Variants in MYO16 observed in about 807,000 individuals in gnomAD.
The protein encoded by MYO16 is myosin XVI.
MYO16 carries 94 observed loss-of-function variants against 205.3 expected under a neutral mutation model. The observed-to-expected ratio is 0.46, with a 90% confidence interval of 0.39 to 0.54. The LOEUF (loss-of-function observed/expected upper bound fraction) is 0.54, where lower values mean the gene tolerates loss of function less well. Among genes scored for constraint, MYO16 ranks in the 20% least tolerant of loss-of-function variants. The pLI is 0.00. For missense variants in MYO16, 2,315 were observed against 2,387.5 expected (o/e 0.97, Z 0.63); for synonymous variants, 988 against 954.0 (o/e 1.04, Z -0.66).
chr13:108,579,214 G>A, the MYO16 span, among the ~76,000 whole-genome samples: 2 of 152,096 alleles, frequency 1.3e-5, no homozygotes, highest in African/African-American at 4.8e-5. Flanking sequence ...TTACCAATGT[G>A]GAAGTAACTT....
At chr13:108,582,127 T>G in the MYO16 span, among the ~76,000 whole-genome samples, 1 of 152,164 alleles carries the variant, frequency 6.6e-6, no homozygotes, top group Non-Finnish European at 1.5e-5. Context: ...TTGAAAATAT[T>G]TTTATGTAAA....
At chr13:108,750,668 G>A (rs2116244) in intron 4 of MYO16, among the ~76,000 whole-genome samples, 64,612 of 150,816 alleles carry the variant, frequency 0.43, 13,938 homozygotes, top group East Asian at 0.55. Flanking sequence ...TTAGCCAAGC[G>A]TGGTGGCGTG....
chr13:108,828,106 C>T (rs563634984), intron 9 of MYO16, among the ~76,000 whole-genome samples: 9 of 152,152 alleles, frequency 5.9e-5, no homozygotes, highest in Admixed American at 1.3e-4. Context: ...ATTTAACTCT[C>T]AGAACAACAC....
chr13:108,578,203 T>G, the MYO16 span, among the ~76,000 whole-genome samples: 2 of 152,208 alleles, frequency 1.3e-5, no homozygotes, highest in Non-Finnish European at 2.9e-5. Flanking sequence ...CCAGGATTTG[T>G]GCATTTGTCT....
chr13:108,874,619 G>A (rs1257937306), intron 12 of MYO16, among the ~76,000 whole-genome samples: 2 of 151,772 alleles, frequency 1.3e-5, no homozygotes, highest in African/African-American at 4.8e-5. Flanking sequence ...AGGTCATGCA[G>A]CTCCAGAGCG....
chr13:108,843,910 C>G (rs1311612259), intron 9 of MYO16, among the ~76,000 whole-genome samples: 1 of 151,804 alleles, frequency 6.6e-6, no homozygotes, highest in Non-Finnish European at 1.5e-5. Flanking sequence ...AAGTTTTGCC[C>G]ATGATTTTGT....
chr13:108,982,076 C>A (rs1024577016), intron 20 of MYO16, among the ~76,000 whole-genome samples: 2 of 152,118 alleles, frequency 1.3e-5, no homozygotes, highest in Non-Finnish European at 2.9e-5. Context: ...TAGCCAGAAG[C>A]CCCTGGAGGA....
At chr13:108,697,113 G>A (rs1355563204) in intron 2 of MYO16, among the ~76,000 whole-genome samples, 1 of 152,140 alleles carries the variant, frequency 6.6e-6, no homozygotes, top group Non-Finnish European at 1.5e-5. Context: ...GTGAATATCT[G>A]TGATGTATCC....
chr13:108,674,183 G>T (rs572901980), intron 2 of MYO16, among the ~76,000 whole-genome samples: 2 of 152,168 alleles, frequency 1.3e-5, no homozygotes, highest in East Asian at 3.9e-4. Context: ...GTAGGCTGAG[G>T]TCAAAGAACA....
intron 4 of MYO16, among the ~76,000 whole-genome samples, chr13:108,740,331 G>C (rs1230404386): frequency 1.3e-5 from 2 of 152,164 alleles, no homozygotes; most frequent in African/African-American, 4.8e-5. Flanking sequence ...TGTGCTTTCT[G>C]TTTGCTAGTT....
In MYO16 at chr13:109,178,652, T is replaced by TGA. The variant is rs1423213992; in HGVS notation, c.5324-890_5324-889insGA. Among the ~76,000 whole-genome samples the TGA allele has an allele frequency of 1.3e-3, 205 of 152,266 alleles. 2 individuals are homozygous for TGA. The highest frequency in any genetic ancestry group is 4.6e-3 in the African/African-American group (191 of 41,552). The stretch of plus-strand genomic sequence containing the variant: ...AATCGAAGTCACTTGCGGTGATGCA[T>TGA]TGCGCCTGTATCACAGTGATTCTCA... On this transcript the variant is annotated intron_variant, in intron 33 of 34. Coordinates refer to ENST00000457511, the MANE Select transcript of MYO16 (RefSeq NM_001198950.3).
At chr13:108,641,982 A>G (rs530288952) in intron 1 of MYO16, among the ~76,000 whole-genome samples, 1 of 152,116 alleles carries the variant, frequency 6.6e-6, no homozygotes, top group Non-Finnish European at 1.5e-5. Flanking sequence ...ACTGCTACTT[A>G]TGGGACCACA....
upstream of MYO16, among the ~76,000 whole-genome samples, chr13:108,625,250 G>C (rs181405810): frequency 5.3e-5 from 8 of 152,246 alleles, no homozygotes; most frequent in South Asian, 4.1e-4. Flanking sequence ...TCCTGAATCC[G>C]AGAGCTAGTG....
At chr13:108,625,943 A>G (rs1213614322), upstream of MYO16, among the ~76,000 whole-genome samples, 2 of 152,244 alleles carry the variant, frequency 1.3e-5, no homozygotes, top group East Asian at 3.8e-4. Flanking sequence ...CATTGTCCAA[A>G]TAGGTTTTAA....
At chr13:108,924,324 A>G (rs1380998633) in intron 16 of MYO16, among the ~76,000 whole-genome samples, 1 of 152,174 alleles carries the variant, frequency 6.6e-6, no homozygotes. Context: ...CTTAGAGCTG[A>G]GCTCCTGCTT....
chr13:109,195,215 C>T (rs891764374), intron 34 of MYO16, among the ~76,000 whole-genome samples: 1 of 152,088 alleles, frequency 6.6e-6, no homozygotes, highest in African/African-American at 2.4e-5. Context: ...CCAGATATAG[C>T]TCCTCTTGTT....
At chr13:109,001,848 G>A (rs570982835) in intron 21 of MYO16, among the ~76,000 whole-genome samples, 1 of 152,040 alleles carries the variant, frequency 6.6e-6, no homozygotes, top group African/African-American at 2.4e-5. Context: ...AGCTATTAAA[G>A]TCTCACACAA....
chr13:108,566,689 A>AAGAG, the MYO16 span, among the ~76,000 whole-genome samples: 2 of 144,396 alleles, frequency 1.4e-5, no homozygotes, highest in African/African-American at 5.1e-5. Flanking sequence ...AAGGAAGGGA[A>AAGAG]AGAGAGAGAG....
At chr13:108,808,675 T>G (rs1269564952) in intron 7 of MYO16, among the ~76,000 whole-genome samples, 2 of 152,076 alleles carry the variant, frequency 1.3e-5, no homozygotes, top group African/African-American at 4.8e-5. Context: ...ATAGTAAGAA[T>G]TGAGAGACAA....
Sources: gnomAD v4.1 joint callset for allele counts (sites outside exome capture counted in the v4.1 genomes callset) on GRCh38, gnomAD v4.1.1 for gene constraint, MANE v1.5 for transcripts, NCBI Gene and HGNC (gene_info 2026-07-23, HGNC 2026-07-21) for gene names.